FGF12: variants seen among roughly 807,000 people sequenced by gnomAD.
FGF12 encodes fibroblast growth factor 12.
Under a neutral mutation model 23.6 loss-of-function variants are expected in FGF12, and 14 were observed. The observed-to-expected ratio is 0.59, with a 90% CI of 0.39 to 0.93. The LOEUF (loss-of-function observed/expected upper bound fraction) is 0.93. FGF12 is among the 40% of genes least tolerant of loss of function. The pLI is 0.00. For missense variants in FGF12, 175 were observed against 217.8 expected (o/e 0.80, Z 1.24); for synonymous variants, 62 against 77.3 (o/e 0.80, Z 1.04).
At chr3:192,525,928 C>T (rs1424533690) in intron 2 of FGF12, among the ~76,000 whole-genome samples, 2 of 152,186 alleles carry the variant, frequency 1.3e-5, no homozygotes, top group Admixed American at 6.5e-5. Flanking sequence ...GTGTGCGCCA[C>T]CACGCCCAGC....
intron 2 of FGF12, among the ~76,000 whole-genome samples, chr3:192,361,054 A>G (rs1229646589): frequency 6.6e-6 from 1 of 152,096 alleles, no homozygotes; most frequent in Non-Finnish European, 1.5e-5. Flanking sequence ...GGCAACAGCA[A>G]AAACTTCCAC....
chr3:192,254,561 T>C (rs988029483), intron 4 of FGF12, among the ~76,000 whole-genome samples: 4 of 152,062 alleles, frequency 2.6e-5, no homozygotes, highest in African/African-American at 7.2e-5. Flanking sequence ...TCAGAGGCTA[T>C]GTAGGAAAAT....
At chr3:192,226,835 A>G (rs1352706450) in intron 4 of FGF12, among the ~76,000 whole-genome samples, 1 of 152,182 alleles carries the variant, frequency 6.6e-6, no homozygotes, top group Non-Finnish European at 1.5e-5. Flanking sequence ...TATGTCACTT[A>G]GCTAGATTTA....
intron 2 of FGF12, among the ~76,000 whole-genome samples, chr3:192,520,985 G>A (rs529388185): frequency 6.6e-6 from 1 of 152,322 alleles, no homozygotes; most frequent in South Asian, 2.1e-4. Flanking sequence ...ACTCCTGTGA[G>A]AAATACACTC....
At chr3:192,379,655 T>C (rs1319273782) in intron 2 of FGF12, among the ~76,000 whole-genome samples, 1 of 152,264 alleles carries the variant, frequency 6.6e-6, no homozygotes, top group Non-Finnish European at 1.5e-5. Flanking sequence ...CACAAATAGA[T>C]AATTGTGGAT....
chr3:192,695,385 A>G (rs1718083667), intron 2 of FGF12, among the ~76,000 whole-genome samples: 1 of 152,124 alleles, frequency 6.6e-6, no homozygotes, highest in African/African-American at 2.4e-5. Flanking sequence ...TTTGAGGTGG[A>G]AGGTAAGGGA....
chr3:192,710,080 G>T (rs1326383927), intron 2 of FGF12, among the ~76,000 whole-genome samples: 1 of 152,124 alleles, frequency 6.6e-6, no homozygotes, highest in Non-Finnish European at 1.5e-5. Flanking sequence ...AAAGCTATTT[G>T]CATGGTGTTT....
intron 2 of FGF12, among the ~76,000 whole-genome samples, chr3:192,416,000 G>A (rs943830541): frequency 2.0e-5 from 3 of 151,944 alleles, no homozygotes; most frequent in African/African-American, 7.3e-5. Context: ...AATTTTCAGG[G>A]AATGGATCTT....
intron 4 of FGF12, among the ~76,000 whole-genome samples, chr3:192,253,688 T>C (rs1353954680): frequency 6.6e-6 from 1 of 152,090 alleles, no homozygotes; most frequent in African/African-American, 2.4e-5. Flanking sequence ...TGCCCTCTCA[T>C]ATCAATCCAG....
chr3:192,505,171 G>A (rs1724256323), intron 2 of FGF12, among the ~76,000 whole-genome samples: 1 of 151,656 alleles, frequency 6.6e-6, no homozygotes, highest in Admixed American at 6.6e-5. Context: ...ATACAGACAA[G>A]CTTAAAAAAA....
intron 2 of FGF12, among the ~76,000 whole-genome samples, chr3:192,724,807 G>A (rs1456713275): frequency 1.3e-5 from 2 of 152,188 alleles, no homozygotes; most frequent in African/African-American, 4.8e-5. Context: ...AAGAAAGGCT[G>A]TCAAATGCTA....
chr3:192,246,545 C>T lies in FGF12; in HGVS notation c.229-75889G>A, dbSNP rs185367378. On this transcript the variant is annotated intron_variant, in intron 4 of 5. Coordinates refer to ENST00000445105, the MANE Select transcript of FGF12 (RefSeq NM_004113.6). ...AAGTGATAAGAAAGCCTAAAGCTGC[C>T]GGGTGTGGTGGCTCACTCCTGTAAT... Among the ~76,000 whole-genome samples, 176 of 152,080 alleles carry T rather than the reference C, an allele frequency of 1.2e-3. 1 individual carries two copies. Among genetic ancestry groups the T allele is most frequent in the South Asian group, 2.1e-3 (10 of 4,802 alleles).
At chr3:192,298,692 A>G (rs1024765342) in intron 4 of FGF12, among the ~76,000 whole-genome samples, 1 of 152,138 alleles carries the variant, frequency 6.6e-6, no homozygotes, top group African/African-American at 2.4e-5. Context: ...GGTTGCAGTG[A>G]GCTATCGTGC....
At chr3:192,551,975 A>G (rs993970683) in intron 2 of FGF12, among the ~76,000 whole-genome samples, 6 of 152,134 alleles carry the variant, frequency 3.9e-5, no homozygotes, top group African/African-American at 1.4e-4. Context: ...ATATGTTATT[A>G]TTTATATAGA....
At chr3:192,388,340 T>C (rs1160360566) in intron 2 of FGF12, among the ~76,000 whole-genome samples, 1 of 152,216 alleles carries the variant, frequency 6.6e-6, no homozygotes, top group East Asian at 1.9e-4. Context: ...ATCGTTATAA[T>C]ACAATGTAAT....
intron 4 of FGF12, among the ~76,000 whole-genome samples, chr3:192,179,848 G>T (rs1716072656): frequency 1.3e-5 from 2 of 151,220 alleles, no homozygotes; most frequent in South Asian, 4.1e-4. Flanking sequence ...ATCCGGCCAG[G>T]TTGTGATTAT....
At chr3:192,146,272 A>ATATTTTTTTTT (rs746233904) in intron 5 of FGF12, among the ~76,000 whole-genome samples, 2 of 143,254 alleles carry the variant, frequency 1.4e-5, no homozygotes, top group African/African-American at 5.2e-5. Flanking sequence ...TAAAGTGTAT[A>ATATTTTTTTTT]TTTTTTTTTT....
intron 2 of FGF12, among the ~76,000 whole-genome samples, chr3:192,690,151 A>G (rs540360968): frequency 5.9e-4 from 90 of 152,176 alleles, no homozygotes; most frequent in African/African-American, 2.1e-3. Flanking sequence ...AAGAAATGCT[A>G]AAGAGACTTA....
intron 4 of FGF12, among the ~76,000 whole-genome samples, chr3:192,206,134 C>T (rs1017679607): frequency 6.6e-6 from 1 of 152,196 alleles, no homozygotes. Context: ...ATGCCATAGA[C>T]ATCACTCCAC....
Sources: gnomAD v4.1 joint callset for allele counts (sites outside exome capture counted in the v4.1 genomes callset) on GRCh38, gnomAD v4.1.1 for gene constraint, MANE v1.5 for transcripts, NCBI Gene and HGNC (gene_info 2026-07-23, HGNC 2026-07-21) for gene names.